CCDC192: variants seen among roughly 807,000 people sequenced by gnomAD.
CCDC192 encodes the protein coiled-coil domain containing 192.
At chr5:127,869,396 T>A (rs1751753722) in intron 5 of CCDC192, among the ~76,000 whole-genome samples, 1 of 152,162 alleles carries the variant, frequency 6.6e-6, no homozygotes, top group Admixed American at 6.5e-5. Flanking sequence ...ATATTGTAGG[T>A]GGCCAATAAC....
At chr5:127,773,829 C>A (rs775974765) in intron 3 of CCDC192, among the ~76,000 whole-genome samples, 1 of 152,082 alleles carries the variant, frequency 6.6e-6, no homozygotes, top group Non-Finnish European at 1.5e-5. Flanking sequence ...ACTTTTTGAT[C>A]GGTCACCAAT....
intron 6 of CCDC192, among the ~76,000 whole-genome samples, chr5:127,891,131 A>C (rs932575050): frequency 1.3e-5 from 2 of 152,164 alleles, no homozygotes; most frequent in African/African-American, 4.8e-5. Context: ...GGCTCACTGC[A>C]ACCTCAGCCT....
At chr5:127,774,636 T>C (rs192300723) in intron 3 of CCDC192, among the ~76,000 whole-genome samples, 2 of 152,318 alleles carry the variant, frequency 1.3e-5, no homozygotes, top group East Asian at 3.9e-4. Flanking sequence ...TCCATTCAGA[T>C]ACTATTTGGA....
At chr5:127,786,485 T>C (rs1279174895) in intron 3 of CCDC192, 1 of 630,310 alleles carries the variant, frequency 1.6e-6, no homozygotes, top group Non-Finnish European at 2.9e-6. Context: ...ACCATTTCCT[T>C]CCTTTTTGAT....
intron 3 of CCDC192, among the ~76,000 whole-genome samples, chr5:127,777,405 A>G (rs1305775812): frequency 6.6e-6 from 1 of 152,202 alleles, no homozygotes; most frequent in Admixed American, 6.5e-5. Context: ...CCTTGTATCT[A>G]GGAAGTAACT....
rs549186433 is a variant in CCDC192, at chr5:127,814,828, T to C, written c.411+16666T>C. 2.0e-5 allele frequency among the ~76,000 whole-genome samples: 3 copies of C among 152,354 alleles called. No individual in the cohort carries two copies. The South Asian group carries it at 6.2e-4, about 32-fold the overall frequency. On this transcript the variant is annotated intron_variant, in intron 5 of 6. Coordinates refer to ENST00000514853, the MANE Select transcript of CCDC192 (RefSeq NM_001317938.2). The stretch of plus-strand genomic sequence containing the variant: ...TCTAGCTGCACAGCTCCCACTGTTC[T>C]CCCATTCATGTCCTACGTACCTGTG...
At chr5:127,806,056 C>G (rs1292710908) in intron 5 of CCDC192, among the ~76,000 whole-genome samples, 1 of 152,182 alleles carries the variant, frequency 6.6e-6, no homozygotes, top group Non-Finnish European at 1.5e-5. Context: ...ACTAACAGAT[C>G]CTGCCCAGTT....
At chr5:127,898,423 T>C (rs1309796674) in intron 6 of CCDC192, among the ~76,000 whole-genome samples, 2 of 152,156 alleles carry the variant, frequency 1.3e-5, no homozygotes, top group African/African-American at 4.8e-5. Flanking sequence ...TGTCTGTTAA[T>C]AGAGGAGAGG....
At chr5:127,911,931 T>A (rs1753369751) in intron 6 of CCDC192, among the ~76,000 whole-genome samples, 1 of 151,268 alleles carries the variant, frequency 6.6e-6, no homozygotes, top group Admixed American at 6.6e-5. Flanking sequence ...CTCACCAAAT[T>A]TTTTTTTTCG....
chr5:127,732,153 GA>G (rs142334613), intron 2 of CCDC192, among the ~76,000 whole-genome samples: 3 of 149,932 alleles, frequency 2.0e-5, no homozygotes, highest in African/African-American at 4.9e-5. Context: ...AAATGTACAA[GA>G]AAAAAAAACC....
At chr5:127,779,147 T>C (rs1396283599) in intron 3 of CCDC192, among the ~76,000 whole-genome samples, 3 of 152,208 alleles carry the variant, frequency 2.0e-5, no homozygotes, top group African/African-American at 7.2e-5. Flanking sequence ...TCCTTCCTTT[T>C]GTTGGCTTGT....
At chr5:127,828,781 T>A (rs1335316472) in intron 5 of CCDC192, among the ~76,000 whole-genome samples, 2 of 152,156 alleles carry the variant, frequency 1.3e-5, no homozygotes. Context: ...AGAAGGGTAT[T>A]ATATTTAGTC....
At chr5:127,801,710 T>A (rs1757515928) in intron 5 of CCDC192, among the ~76,000 whole-genome samples, 1 of 152,196 alleles carries the variant, frequency 6.6e-6, no homozygotes, top group Non-Finnish European at 1.5e-5. Flanking sequence ...CCCCACAGCC[T>A]CCTTTAGATA....
At chr5:127,794,480 G>GCAGA (rs1303360341) in intron 3 of CCDC192, among the ~76,000 whole-genome samples, 2 of 152,278 alleles carry the variant, frequency 1.3e-5, no homozygotes, top group East Asian at 3.9e-4. Context: ...AAAAGGCTCT[G>GCAGA]CAGACTGTCT....
chr5:127,745,371 A>G (rs1753680470), intron 2 of CCDC192, among the ~76,000 whole-genome samples: 1 of 152,216 alleles, frequency 6.6e-6, no homozygotes, highest in African/African-American at 2.4e-5. Flanking sequence ...AAATTATCCA[A>G]TGAGAAACCT....
At chr5:127,720,598 CTG>C (rs1220797217) in intron 2 of CCDC192, among the ~76,000 whole-genome samples, 1 of 152,218 alleles carries the variant, frequency 6.6e-6, no homozygotes, top group East Asian at 1.9e-4. Context: ...AGTGGGGACT[CTG>C]TATGTAGGCT....
chr5:127,800,242 C>T (rs1757408036), intron 5 of CCDC192, among the ~76,000 whole-genome samples: 1 of 151,820 alleles, frequency 6.6e-6, no homozygotes, highest in East Asian at 1.9e-4. Context: ...CCCATGCAGA[C>T]AAACTGCCTT....
At chr5:127,792,718 G>T (rs1756943766) in intron 3 of CCDC192, among the ~76,000 whole-genome samples, 1 of 151,146 alleles carries the variant, frequency 6.6e-6, no homozygotes, top group South Asian at 2.1e-4. Context: ...AAAAGAGGCA[G>T]AAGCAGAAAA....
chr5:127,726,489 A>G (rs1163710408), intron 2 of CCDC192, among the ~76,000 whole-genome samples: 2 of 152,146 alleles, frequency 1.3e-5, no homozygotes, highest in African/African-American at 4.8e-5. Flanking sequence ...CTTCATCTCA[A>G]AAGCCCCAAA....
Sources: gnomAD v4.1 joint callset for allele counts (sites outside exome capture counted in the v4.1 genomes callset) on GRCh38, gnomAD v4.1.1 for gene constraint, MANE v1.5 for transcripts, NCBI Gene and HGNC (gene_info 2026-07-23, HGNC 2026-07-21) for gene names.